Variants in OLA1 observed in about 807,000 individuals in gnomAD.
OLA1 encodes the protein Obg like ATPase 1.
OLA1 carries 14 observed loss-of-function variants against 48.4 expected under a neutral mutation model. The observed-to-expected ratio is 0.29, with a 90% CI of 0.19 to 0.45. OLA1 has a LOEUF of 0.45. OLA1 is among the 20% of genes least tolerant of loss of function. The pLI, the probability that OLA1 is intolerant of heterozygous loss-of-function variation, is 1.00. For synonymous variants in OLA1, 127 were observed against 150.4 expected, an observed-to-expected ratio of 0.84 and a Z score of 1.14; for missense variants, 325 against 467.1, an observed-to-expected ratio of 0.70 and a Z score of 2.80.
chr2:174,129,497 AAAT>A (rs1427260457), intron 5 of OLA1, among the ~76,000 whole-genome samples: 1 of 150,192 alleles, frequency 6.7e-6, no homozygotes, highest in African/African-American at 2.4e-5. Context: ...ATAAATAAAT[AAAT>A]AATATTTATG....
intron 4 of OLA1, among the ~76,000 whole-genome samples, chr2:174,192,097 G>C (rs1287889125): frequency 6.6e-6 from 1 of 151,400 alleles, no homozygotes; most frequent in Non-Finnish European, 1.5e-5. Context: ...ATTCCATTTT[G>C]TCTCTTCTAT....
chr2:174,200,175 T>C (rs956073474), intron 4 of OLA1, among the ~76,000 whole-genome samples: 5 of 152,146 alleles, frequency 3.3e-5, no homozygotes, highest in African/African-American at 7.2e-5. Flanking sequence ...TAAATACTGA[T>C]TGACATTTAC....
At chr2:174,099,958 T>A (rs1685353890) in intron 7 of OLA1, among the ~76,000 whole-genome samples, 2 of 152,216 alleles carry the variant, frequency 1.3e-5, no homozygotes. Flanking sequence ...GAAAACAATA[T>A]ATCACTATTT....
chr2:174,129,984 G>A (rs1292907455), intron 5 of OLA1, among the ~76,000 whole-genome samples: 1 of 152,108 alleles, frequency 6.6e-6, no homozygotes, highest in Non-Finnish European at 1.5e-5. Context: ...AACAAAGACA[G>A]CCAACAATGC....
intron 4 of OLA1, among the ~76,000 whole-genome samples, chr2:174,144,862 G>C (rs921610889): frequency 6.9e-6 from 1 of 144,006 alleles, no homozygotes; most frequent in Non-Finnish European, 1.5e-5. Flanking sequence ...GTGGGAGACT[G>C]CTTGAACCCG....
At chr2:174,168,271 T>C (rs1687213691) in intron 4 of OLA1, among the ~76,000 whole-genome samples, 1 of 151,924 alleles carries the variant, frequency 6.6e-6, no homozygotes, top group South Asian at 2.1e-4. Context: ...ACCAGAACCA[T>C]GCATAGGGAG....
At chr2:174,154,222 GCTGA>G (rs577223961) in intron 4 of OLA1, among the ~76,000 whole-genome samples, 169 of 152,202 alleles carry the variant, frequency 1.1e-3, no homozygotes, top group Non-Finnish European at 1.9e-3. Context: ...CCAATATTGA[GCTGA>G]CTGTTTCTGT....
At chr2:174,111,785 G>GA (rs1685657431) in intron 7 of OLA1, among the ~76,000 whole-genome samples, 1 of 152,046 alleles carries the variant, frequency 6.6e-6, no homozygotes, top group Non-Finnish European at 1.5e-5. Context: ...AAAATGCAAG[G>GA]AAACAGAATA....
intron 1 of OLA1, chr2:174,247,722 C>T (rs952293382): frequency 9.7e-6 from 15 of 1,551,100 alleles, no homozygotes; most frequent in South Asian, 5.9e-5. Flanking sequence ...ACTGAAGGTA[C>T]GGCTCATCAG....
chr2:174,077,245 C>A (rs530577990), intron 10 of OLA1, among the ~76,000 whole-genome samples: 1 of 152,108 alleles, frequency 6.6e-6, no homozygotes, highest in Non-Finnish European at 1.5e-5. Context: ...ACTACAAAGC[C>A]CACACAGAGC....
chr2:174,139,421 T>A (rs932742098), intron 5 of OLA1, among the ~76,000 whole-genome samples: 2 of 152,180 alleles, frequency 1.3e-5, no homozygotes, highest in Non-Finnish European at 2.9e-5. Flanking sequence ...AAAGAAGACA[T>A]TGTTGTTTAA....
intron 7 of OLA1, among the ~76,000 whole-genome samples, chr2:174,122,624 T>C (rs1229766036): frequency 6.6e-6 from 1 of 152,220 alleles, no homozygotes; most frequent in Non-Finnish European, 1.5e-5. Context: ...TAACAAATCT[T>C]GTACATTTTG....
intron 7 of OLA1, among the ~76,000 whole-genome samples, chr2:174,082,354 C>A (rs1021268896): frequency 6.6e-6 from 1 of 152,078 alleles, no homozygotes; most frequent in African/African-American, 2.4e-5. Context: ...AGCATTAACA[C>A]CTGTACCCTT....
intron 7 of OLA1, among the ~76,000 whole-genome samples, chr2:174,104,758 A>T (rs1685476866): frequency 6.6e-6 from 1 of 152,188 alleles, no homozygotes; most frequent in South Asian, 2.1e-4. Context: ...AGTCTTTTAA[A>T]TATTTATAAA....
intron 4 of OLA1, among the ~76,000 whole-genome samples, chr2:174,147,087 G>A (rs1022086296): frequency 6.6e-5 from 10 of 152,126 alleles, no homozygotes; most frequent in Admixed American, 2.6e-4. Flanking sequence ...ACTCATACAA[G>A]CATTAAAATC....
chr2:174,219,988 C>T (rs1456595741), intron 4 of OLA1, among the ~76,000 whole-genome samples: 1 of 151,984 alleles, frequency 6.6e-6, no homozygotes, highest in South Asian at 2.1e-4. Flanking sequence ...AAAAAGTAGC[C>T]TGGTGTGGTG....
chr2:174,099,537 C>G (rs1685341858), intron 7 of OLA1, among the ~76,000 whole-genome samples: 1 of 152,170 alleles, frequency 6.6e-6, no homozygotes, highest in Non-Finnish European at 1.5e-5. Flanking sequence ...GTATGAAAAG[C>G]TGTTTCATAT....
At chr2:174,136,910 C>T (rs1387593404) in intron 5 of OLA1, among the ~76,000 whole-genome samples, 5 of 152,026 alleles carry the variant, frequency 3.3e-5, no homozygotes, top group East Asian at 3.9e-4. Flanking sequence ...CTCCTGACCT[C>T]GTGATCTACC....
At chr2:174,093,503 C>G (rs1027652393) in intron 7 of OLA1, among the ~76,000 whole-genome samples, 2 of 151,240 alleles carry the variant, frequency 1.3e-5, no homozygotes, top group African/African-American at 4.8e-5. Context: ...AACCAACCAA[C>G]CAATCAAACA....
Sources: allele counts gnomAD v4.1 joint callset (sites outside exome capture counted in the v4.1 genomes callset), GRCh38; gene constraint gnomAD v4.1.1; transcripts MANE v1.5; gene names NCBI Gene and HGNC (gene_info 2026-07-23, HGNC 2026-07-21).